Variants in USH2A observed in about 807,000 individuals in gnomAD.
The protein encoded by USH2A is usherin.
In USH2A, 443 loss-of-function variants were observed where a neutral mutation model predicts 538.9. The observed-to-expected ratio is 0.82, with a 90% CI of 0.76 to 0.89. The LOEUF is 0.89. USH2A is among the 40% of genes least tolerant of loss of function. The pLI is 0.00. For missense variants in USH2A, 6,633 were observed against 6,324.8 expected (o/e 1.05, Z -1.65); for synonymous variants, 2,413 against 2,273.5 (o/e 1.06, Z -1.75).
intron 9 of USH2A, among the ~76,000 whole-genome samples, chr1:216,314,998 G>T (rs890378458): frequency 6.6e-6 from 1 of 151,992 alleles, no homozygotes; most frequent in Non-Finnish European, 1.5e-5. Context: ...AGTTATTAAA[G>T]GAAAAAGACA....
intron 61 of USH2A, 118 bp from the exon 62 acceptor site, chr1:215,680,494 C>T: frequency 3.3e-6 from 3 of 900,062 alleles, no homozygotes; most frequent in Non-Finnish European, 5.4e-6. Flanking sequence ...AGCGCAAACA[C>T]TACAGCAGAG....
chr1:216,272,106 C>A (rs2036586654), intron 11 of USH2A, among the ~76,000 whole-genome samples: 1 of 152,022 alleles, frequency 6.6e-6, no homozygotes, highest in Non-Finnish European at 1.5e-5. Flanking sequence ...ATGTTAGTGG[C>A]AAATTCATTA....
intron 3 of USH2A, among the ~76,000 whole-genome samples, chr1:216,390,262 T>A (rs2039082683): frequency 6.6e-6 from 1 of 152,142 alleles, no homozygotes; most frequent in Non-Finnish European, 1.5e-5. Context: ...ATTCACCTAG[T>A]CAAATAAAGG....
chr1:216,277,630 C>T (rs1359813466), intron 11 of USH2A, among the ~76,000 whole-genome samples: 2 of 152,136 alleles, frequency 1.3e-5, no homozygotes, highest in Non-Finnish European at 2.9e-5. Flanking sequence ...CCCATCAAGA[C>T]TCATTCTCCC....
intron 58 of USH2A, among the ~76,000 whole-genome samples, chr1:215,747,865 T>G (rs991322600): frequency 3.6e-5 from 5 of 138,558 alleles, no homozygotes; most frequent in Admixed American, 7.4e-5. Flanking sequence ...AGGTTTTTTG[T>G]TTTTTTTTGT....
chr1:215,952,952 A>T (rs1019417206), intron 37 of USH2A, among the ~76,000 whole-genome samples: 4 of 152,154 alleles, frequency 2.6e-5, no homozygotes, highest in Non-Finnish European at 5.9e-5. Context: ...CATGAGTGAA[A>T]TCCCATTCAC....
chr1:215,709,243 T>C (rs1443693073), intron 61 of USH2A, among the ~76,000 whole-genome samples: 1 of 152,206 alleles, frequency 6.6e-6, no homozygotes, highest in Non-Finnish European at 1.5e-5. Context: ...CATAATAAAA[T>C]ATTTTCTTGA....
intron 44 of USH2A, among the ~76,000 whole-genome samples, chr1:215,862,654 T>A (rs1664351181): frequency 6.6e-6 from 1 of 152,220 alleles, no homozygotes; most frequent in Non-Finnish European, 1.5e-5. Flanking sequence ...ATATATTATA[T>A]AAAATGGTAT....
chr1:215,851,317 AAAG>A (rs1664009935), intron 44 of USH2A, among the ~76,000 whole-genome samples: 1 of 152,190 alleles, frequency 6.6e-6, no homozygotes, highest in African/African-American at 2.4e-5. Flanking sequence ...TTAACCAAGA[AAAG>A]AAGAGAGAAG....
chr1:215,631,818 G>T (rs530672348), intron 70 of USH2A, among the ~76,000 whole-genome samples: 1 of 152,304 alleles, frequency 6.6e-6, no homozygotes, highest in South Asian at 2.1e-4. Context: ...CGATGGTAAA[G>T]GGTGTGCAGG....
At chr1:216,412,354 G>C (rs2039502856) in intron 3 of USH2A, among the ~76,000 whole-genome samples, 1 of 152,008 alleles carries the variant, frequency 6.6e-6, no homozygotes, top group African/African-American at 2.4e-5. Context: ...TAATAAAGTA[G>C]GAAGTGCTTC....
At chr1:216,064,266 T>A (rs1209509532) in intron 30 of USH2A, among the ~76,000 whole-genome samples, 1 of 152,144 alleles carries the variant, frequency 6.6e-6, no homozygotes, top group African/African-American at 2.4e-5. Context: ...CTGGAGCCCA[T>A]CCTGGCAGCT....
In USH2A at chr1:216,364,991, A is replaced by T; in HGVS notation, c.746T>A (p.Phe249Tyr). 6.2e-7 allele frequency: 1 copy of T among 1,613,754 alleles called. No homozygotes were observed. The change falls in exon 4 of 72, where the codon TTT becomes TAT. Residue 249 changes from phenylalanine to tyrosine, a missense_variant. Physicochemically the swap from Phe to Tyr is conservative, Grantham distance 22 (BLOSUM62 3). Coordinates refer to ENST00000307340, the MANE Select transcript of USH2A (RefSeq NM_206933.4). ...ARTLSGSITD[F>Y]ASGTVQIGQS... ...TCCTATTTGCACAGTACCAGATGCA[A>T]AATCTGTAATTGAACCACTTAGAGT...
At position 215,999,056 on chromosome 1, in the gene USH2A, C is replaced by T. The variant is rs763389877; in HGVS notation, c.6488G>A (p.Trp2163Ter). The change falls in exon 34 of 72, where the codon TGG (tryptophan) becomes TAG (stop). Residue 2163 changes from tryptophan to a stop codon, truncating the protein, a stop_gained and splice_region_variant. Coordinates refer to ENST00000307340, the MANE Select transcript of USH2A (RefSeq NM_206933.4). LOFTEE classifies it high-confidence loss of function. Reference protein sequence around the residue: ...VLDSRTIHIQWKQPRKISGIL... With the variant: ...VLDSRTIHIQ ...CCCACTTATTTTTCTTGGTTGTTTCCACCTGGGAATGGTAAAATACATTAT... is the reference window on the plus strand; with the variant it reads ...CCCACTTATTTTTCTTGGTTGTTTCTACCTGGGAATGGTAAAATACATTAT... The T allele has an allele frequency of 2.5e-6, 4 of 1,609,826 alleles. No individual in the cohort carries two copies. Among genetic ancestry groups the T allele is most frequent in the South Asian group, 2.2e-5 (2 of 90,840 alleles).
In USH2A at chr1:216,280,167, T is replaced by C. The variant is rs141339229; in HGVS notation, c.1971+9113A>G. On this transcript the variant is annotated intron_variant, in intron 11 of 71. Coordinates refer to ENST00000307340, the MANE Select transcript of USH2A (RefSeq NM_206933.4). ...AGGAAATGGAAAAGGACAGTTAACC[T>C]CCAACTCAGGATGCATGTCAAGTAA... Among the ~76,000 whole-genome samples the C allele has an allele frequency of 6.6e-3, 1,006 of 151,356 alleles. 14 individuals carry two copies. The highest frequency in any genetic ancestry group is 8.2e-3 in the Non-Finnish European group (559 of 67,888).
Position 215,838,019 on chromosome 1 carries a change from T to G in USH2A, c.9343A>C (p.Thr3115Pro). Reference sequence around the variant, plus strand: ...GAAGTGATGCCACGAATTGTGGGTGTTGGTATATCACTTGGAGTGTCTTCC... The same window carrying G: ...GAAGTGATGCCACGAATTGTGGGTGGTGGTATATCACTTGGAGTGTCTTCC... ...TVEDTPSDIPTPTIRGITSRS... is the reference protein window; with the variant it reads ...TVEDTPSDIPPPTIRGITSRS... Residue 3115 changes from threonine to proline, a missense_variant, in exon 47 of 72, where the codon ACA becomes CCA. Transcript: ENST00000307340. 2 of 1,614,020 alleles carry G rather than the reference T, an allele frequency of 1.2e-6. No homozygotes were observed. Among genetic ancestry groups the G allele is most frequent in the Non-Finnish European group, 1.7e-6 (2 of 1,179,920 alleles).
At chr1:215,888,086 C>T (rs925311254) in intron 41 of USH2A, among the ~76,000 whole-genome samples, 2 of 152,150 alleles carry the variant, frequency 1.3e-5, no homozygotes, top group Non-Finnish European at 2.9e-5. Context: ...TGTTAATATG[C>T]TAATTCATTC....
At chr1:216,023,277 T>G (rs1424812537) in intron 32 of USH2A, among the ~76,000 whole-genome samples, 1 of 151,944 alleles carries the variant, frequency 6.6e-6, no homozygotes, top group South Asian at 2.1e-4. Context: ...ACTTGTGCTT[T>G]GGGACTCTAT....
chr1:215,836,473 TATATATA>T (rs1344300092), intron 47 of USH2A, among the ~76,000 whole-genome samples: 53 of 5,032 alleles, frequency 0.011, 1 homozygote, highest in African/African-American at 0.021. Context: ...ATTATATATA[TATATATA>T]ATATATATTA....
Sources: allele counts gnomAD v4.1 joint callset (sites outside exome capture counted in the v4.1 genomes callset), GRCh38; gene constraint gnomAD v4.1.1; transcripts MANE v1.5; gene names NCBI Gene and HGNC (gene_info 2026-07-23, HGNC 2026-07-21).